SENP6: variants seen among roughly 807,000 people sequenced by gnomAD.
SENP6 encodes the protein sentrin-specific protease 6.
In SENP6, 41 loss-of-function variants were observed where a neutral mutation model predicts 134.5. The observed-to-expected ratio is 0.30, with a 90% CI of 0.24 to 0.40. The LOEUF is 0.40. Among genes scored for constraint, SENP6 ranks in the 10% least tolerant of loss-of-function variants. The pLI, the probability that SENP6 is intolerant of heterozygous loss-of-function variation, is 1.00. For synonymous variants in SENP6, 395 were observed against 429.8 expected (o/e 0.92, Z 1.00); for missense variants, 1,248 against 1,312.5 (o/e 0.95, Z 0.76).
intron 16 of SENP6, among the ~76,000 whole-genome samples, chr6:75,688,641 C>G (rs765834773): frequency 6.6e-5 from 10 of 152,110 alleles, no homozygotes; most frequent in Non-Finnish European, 1.2e-4. Flanking sequence ...CATAGCTGAC[C>G]AGACACAGTG....
chr6:75,674,176 C>T (rs1033697613), intron 11 of SENP6, among the ~76,000 whole-genome samples: 41 of 105,544 alleles, frequency 3.9e-4, no homozygotes, highest in Middle Eastern at 5.3e-3. Context: ...TTTTTAAAAA[C>T]GATAAGGTCT....
At chr6:75,661,012 T>A (rs2149862575) in intron 8 of SENP6, among the ~76,000 whole-genome samples, 1 of 152,192 alleles carries the variant, frequency 6.6e-6, no homozygotes, top group East Asian at 1.9e-4. Flanking sequence ...AAATATCTTC[T>A]CCTTTAAGTG....
At position 75,602,485 on chromosome 6, in the gene SENP6, G is replaced by A. The variant is rs200305776; in HGVS notation, c.-40G>A. On this transcript the variant is annotated 5_prime_UTR_variant, in exon 1 of 24. Transcript: ENST00000447266. ...ATCCCGGCGAGCACGGCGGCGGTGT[G>A]GGCCATGGATTAAGAAGGAGGCGGC... The A allele has an allele frequency of 3.9e-4, 602 of 1,549,912 alleles. No homozygotes were observed. Among genetic ancestry groups the A allele is most frequent in the Non-Finnish European group, 5.2e-4 (591 of 1,146,484 alleles).
intron 3 of SENP6, among the ~76,000 whole-genome samples, chr6:75,626,405 C>T (rs1289720846): frequency 6.6e-6 from 1 of 151,490 alleles, no homozygotes; most frequent in African/African-American, 2.4e-5. Context: ...CTGTTGACAC[C>T]TTGATTTTTT....
chr6:75,667,221 CAGAGG>C (rs1253224768), intron 10 of SENP6, among the ~76,000 whole-genome samples: 22 of 152,044 alleles, frequency 1.4e-4, no homozygotes, highest in Non-Finnish European at 1.6e-4. Flanking sequence ...TAAAATCTAG[CAGAGG>C]AGAGAAGTCA....
chr6:75,607,589 C>T (rs1446342321), intron 1 of SENP6, among the ~76,000 whole-genome samples: 1 of 151,760 alleles, frequency 6.6e-6, no homozygotes, highest in Non-Finnish European at 1.5e-5. Flanking sequence ...TATATTTTCT[C>T]CCGTTTTTCC....
At chr6:75,709,035 G>C (rs1775592605) in intron 19 of SENP6, among the ~76,000 whole-genome samples, 1 of 152,130 alleles carries the variant, frequency 6.6e-6, no homozygotes, top group African/African-American at 2.4e-5. Flanking sequence ...CTTACTTGTA[G>C]TTAATGTTCA....
chr6:75,686,803 A>G (rs370909523), intron 16 of SENP6, among the ~76,000 whole-genome samples: 16 of 152,236 alleles, frequency 1.1e-4, no homozygotes, highest in East Asian at 9.6e-4. Flanking sequence ...TGGGTAATCA[A>G]CCTTTCTCTC....
intron 16 of SENP6, among the ~76,000 whole-genome samples, chr6:75,694,831 A>G (rs749645586): frequency 6.6e-6 from 1 of 151,996 alleles, no homozygotes; most frequent in Non-Finnish European, 1.5e-5. Flanking sequence ...GTGGGGACAT[A>G]TGCTCTACTC....
At position 75,625,060 on chromosome 6, in the gene SENP6, T is replaced by C. The variant is rs144801209; in HGVS notation, c.207+1100T>C. Among the ~76,000 whole-genome samples the C allele has an allele frequency of 2.4e-4, 37 of 151,790 alleles. No homozygotes were observed. The East Asian group carries it at 6.0e-3, about 25-fold the overall frequency. ...GATGAAATAAGGTATTTTGGAGAAA[T>C]TGGCCCTTTGCTGTGATACTAGTTG... is the stretch of plus-strand genomic sequence containing the variant. On this transcript the variant is annotated intron_variant, in intron 3 of 23. Transcript: ENST00000447266.
chr6:75,609,816 G>A (rs6930338), intron 1 of SENP6, among the ~76,000 whole-genome samples: 1 of 151,942 alleles, frequency 6.6e-6, no homozygotes, highest in African/African-American at 2.4e-5. Flanking sequence ...TCTCGGCTCC[G>A]TTGCCCAGGC....
chr6:75,689,373 A>T (rs1774076609), intron 16 of SENP6, among the ~76,000 whole-genome samples: 1 of 152,208 alleles, frequency 6.6e-6, no homozygotes, highest in African/African-American at 2.4e-5. Context: ...AAACAATATA[A>T]CACAGTGTCA....
At chr6:75,616,915 T>C (rs1336779883) in intron 1 of SENP6, among the ~76,000 whole-genome samples, 2 of 152,056 alleles carry the variant, frequency 1.3e-5, no homozygotes, top group Non-Finnish European at 2.9e-5. Flanking sequence ...CCAGGCTGGA[T>C]TGCTGTGGTG....
intron 6 of SENP6, among the ~76,000 whole-genome samples, chr6:75,641,115 C>A (rs1245813980): frequency 6.6e-6 from 1 of 152,166 alleles, no homozygotes; most frequent in Non-Finnish European, 1.5e-5. Context: ...TCCATCCTCT[C>A]CTCCCCTACC....
intron 19 of SENP6, among the ~76,000 whole-genome samples, chr6:75,705,457 A>G (rs1775323443): frequency 1.3e-5 from 2 of 152,178 alleles, no homozygotes; most frequent in Non-Finnish European, 2.9e-5. Context: ...AGGCAGGAGA[A>G]TCACTTGAAC....
At chr6:75,604,772 A>T (rs1046656586) in intron 1 of SENP6, among the ~76,000 whole-genome samples, 2 of 152,036 alleles carry the variant, frequency 1.3e-5, no homozygotes, top group African/African-American at 4.8e-5. Context: ...TTACACTTTT[A>T]ATAATAATAA....
intron 20 of SENP6, among the ~76,000 whole-genome samples, chr6:75,710,142 AC>A (rs1430636317): frequency 6.6e-6 from 1 of 152,186 alleles, no homozygotes; most frequent in Admixed American, 6.5e-5. Flanking sequence ...GTTATATGGT[AC>A]ATGAGTACCA....
chr6:75,664,719 A>G (rs564468116), intron 9 of SENP6, among the ~76,000 whole-genome samples: 1 of 152,302 alleles, frequency 6.6e-6, no homozygotes, highest in South Asian at 2.1e-4. Flanking sequence ...TACTGAGATG[A>G]TACTTCTCTG....
At chr6:75,715,178 C>A (rs556919356) in intron 23 of SENP6, among the ~76,000 whole-genome samples, 9 of 152,198 alleles carry the variant, frequency 5.9e-5, no homozygotes, top group African/African-American at 2.2e-4. Context: ...CACTGGCAAA[C>A]CCTGATCTAG....
Sources: allele counts gnomAD v4.1 joint callset (sites outside exome capture counted in the v4.1 genomes callset), GRCh38; gene constraint gnomAD v4.1.1; transcripts MANE v1.5; gene names NCBI Gene and HGNC (gene_info 2026-07-23, HGNC 2026-07-21).